GRSF1: variants seen among roughly 807,000 people sequenced by gnomAD.
The protein encoded by GRSF1 is G-rich RNA sequence binding factor 1.
Under a neutral mutation model 51.1 loss-of-function variants are expected in GRSF1, and 50 were observed. That is an observed-to-expected ratio of 0.98 (90% CI 0.78 to 1.24). The LOEUF (loss-of-function observed/expected upper bound fraction) is 1.24. GRSF1 is among the 50% of genes most tolerant of loss of function. GRSF1 has a pLI of 0.00. For missense variants in GRSF1, 700 were observed against 639.7 expected (o/e 1.09, Z -1.02); for synonymous variants, 293 against 253.3 (o/e 1.16, Z -1.49).
At chr4:70,842,367 G>A (rs1006608698), upstream of GRSF1, among the ~76,000 whole-genome samples, 1 of 152,166 alleles carries the variant, frequency 6.6e-6, no homozygotes, top group Non-Finnish European at 1.5e-5. Flanking sequence ...ACAAAGAACA[G>A]GCTAGTCTTC....
intron 5 of GRSF1, among the ~76,000 whole-genome samples, chr4:70,830,873 C>G (rs747046608): frequency 6.6e-6 from 1 of 151,470 alleles, no homozygotes; most frequent in African/African-American, 2.4e-5. Flanking sequence ...CTATTATGAA[C>G]TGTTATTAGA....
At position 70,833,275 on chromosome 4, in the gene GRSF1, T is replaced by C. The variant is rs1734061633; in HGVS notation, c.515-2A>G. 1 of 1,612,650 alleles carries C rather than the reference T, an allele frequency of 6.2e-7. No homozygotes were observed. Among genetic ancestry groups the C allele is most frequent in the Middle Eastern group, 1.7e-4 (1 of 6,056 alleles). On this transcript the variant is annotated splice_acceptor_variant, in intron 2 of 9. Coordinates refer to ENST00000254799, the MANE Select transcript of GRSF1 (RefSeq NM_002092.4). LOFTEE classifies it high-confidence loss of function. Reference sequence around the variant, plus strand: ...TCTCACCGTTGCGGATTCTGCAGTCTAAAAGTGTATGAGCAAAATCAATTG... The same window carrying C: ...TCTCACCGTTGCGGATTCTGCAGTCCAAAAGTGTATGAGCAAAATCAATTG...
upstream of GRSF1, chr4:70,839,918 T>A: frequency 1.7e-6 from 2 of 1,211,252 alleles, no homozygotes; most frequent in Non-Finnish European, 2.2e-6. Flanking sequence ...GGGGGTGGGG[T>A]GTGCCTGGCA....
chr4:70,836,134 A>C lies in GRSF1; in HGVS notation c.514+24T>G, dbSNP rs777641674. The stretch of plus-strand genomic sequence containing the variant: ...AACAATATAAGGAAAAAAAATAAAT[A>C]AATAAAACATACATAAAATATACCT... On this transcript the variant is annotated intron_variant, in intron 2 of 9. Coordinates refer to ENST00000254799, the MANE Select transcript of GRSF1 (RefSeq NM_002092.4). 4 of 1,339,416 alleles carry C rather than the reference A, an allele frequency of 3.0e-6. No homozygotes were observed. The East Asian group carries it at 1.1e-4, about 38-fold the overall frequency. 83.0% of individuals were successfully genotyped at this position (1,339,416 alleles called of 1,614,324 possible).
rs751134497 is a variant in GRSF1 at position 70,827,922 on chromosome 4, C to T, written c.1065G>A (p.Met355Ile). 11 of 1,613,144 alleles carry T rather than the reference C, an allele frequency of 6.8e-6. No individual in the cohort carries two copies. Among genetic ancestry groups the T allele is most frequent in the East Asian group, 2.2e-5 (1 of 44,872 alleles). ...CATTTACTTCATGTTCTTCAAAGAC[C>T]ATTTCTGGCTCAGTTATATACTTAG... is the stretch of plus-strand genomic sequence containing the variant. ...PTAKYITEPE[M>I]VFEEHEVNED... Residue 355 changes from methionine to isoleucine, a missense_variant, in exon 6 of 10, where the codon ATG (methionine) becomes ATA (isoleucine). Coordinates refer to ENST00000254799, the MANE Select transcript of GRSF1 (RefSeq NM_002092.4).
At position 70,836,182 on chromosome 4, in the gene GRSF1, CCATAGT is replaced by C. The variant is rs1185623823; in HGVS notation, c.484_489del (p.Thr162_Met163del). 6.4e-7 allele frequency: 1 copy of C among 1,566,164 alleles called. No individual in the cohort carries two copies. ...CCTGAAAAAAAGTTAAGCACATCTTCCATAGTGCATGACCAGGGCAGTCCTTGAGCT... is the reference window on the plus strand; with the variant it reads ...CCTGAAAAAAAGTTAAGCACATCTTCGCATGACCAGGGCAGTCCTTGAGCT... On this transcript the variant is annotated inframe_deletion, in exon 2 of 10. Transcript: ENST00000254799.
intron 1 of GRSF1, 115 bp downstream of exon 1, chr4:70,839,356 T>TCCCCGGGCGTGCCC (rs1734363217): frequency 6.6e-7 from 1 of 1,504,080 alleles, no homozygotes; most frequent in Non-Finnish European, 8.9e-7. Flanking sequence ...GCGGCGAGTG[T>TCCCCGGGCGTGCCC]CGCGGATCCC....
chr4:70,836,394 T>C, intron 1 of GRSF1, 80 bp from the exon 2 acceptor site: 1 of 1,025,160 alleles, frequency 9.8e-7, no homozygotes, highest in South Asian at 1.8e-5. Flanking sequence ...AAAATGTTTA[T>C]TCTACAAACT....
chr4:70,824,672 A>G (rs1439820564), intron 8 of GRSF1, among the ~76,000 whole-genome samples: 4 of 152,092 alleles, frequency 2.6e-5, no homozygotes, highest in Non-Finnish European at 5.9e-5. Context: ...AGTCCCAGCT[A>G]CTCGGGAGGC....
In GRSF1 at chr4:70,819,895, C is replaced by G. The variant is rs572719619; in HGVS notation, c.*992G>C. 6.6e-6 allele frequency: 1 copy of G among 152,610 alleles called. No homozygotes were observed. Among genetic ancestry groups the G allele is most frequent in the Non-Finnish European group, 1.5e-5 (1 of 68,044 alleles). 9.5% of individuals were successfully genotyped at this position (152,610 alleles called of 1,614,324 possible). A position where few individuals can be genotyped will look rare whatever the true frequency, so the allele number is the denominator to read the frequency against. On this transcript the variant is annotated 3_prime_UTR_variant, in exon 10 of 10. Coordinates refer to ENST00000254799, the MANE Select transcript of GRSF1 (RefSeq NM_002092.4). ...CTGCCACATTGTGACAGAAGTACAG[C>G]TTTATCCATAAACCCTTCACACAAT...
chr4:70,824,502 C>G, intron 8 of GRSF1, 134 bp from the exon 9 acceptor site: 1 of 587,636 alleles, frequency 1.7e-6, no homozygotes, highest in Non-Finnish European at 3.1e-6. Context: ...AAAATTTAGG[C>G]CAGACACGGT....
At position 70,818,018 on chromosome 4, in the gene GRSF1, C is replaced by T. The variant is rs561675388; in HGVS notation, c.*2869G>A. ...CTTCCGATAATTTAGGGGAAACTCTCAGAACAATGGAGTTTTTTGTATTTT... is the reference window on the plus strand; with the variant it reads ...CTTCCGATAATTTAGGGGAAACTCTTAGAACAATGGAGTTTTTTGTATTTT... On this transcript the variant is annotated 3_prime_UTR_variant, in exon 10 of 10. Coordinates refer to ENST00000254799, the MANE Select transcript of GRSF1 (RefSeq NM_002092.4). 2 of 152,224 alleles carry T rather than the reference C, an allele frequency of 1.3e-5. No homozygotes were observed. The highest frequency in any genetic ancestry group is 2.9e-5 in the Non-Finnish European group (2 of 68,114). 9.4% of individuals were successfully genotyped at this position (152,224 alleles called of 1,614,324 possible). A position where few individuals can be genotyped will look rare whatever the true frequency, so the allele number is the denominator to read the frequency against.
intron 6 of GRSF1, among the ~76,000 whole-genome samples, chr4:70,827,287 C>CA (rs11418022): frequency 0.87 from 127,480 of 146,750 alleles, 56,887 homozygotes; most frequent in South Asian, 0.99. Context: ...AACTCTGTCT[C>CA]AAAAAAAAAA....
intron 1 of GRSF1, 185 bp downstream of exon 1, chr4:70,839,286 T>A: frequency 6.7e-7 from 1 of 1,496,388 alleles, no homozygotes; most frequent in Non-Finnish European, 8.9e-7. Flanking sequence ...ACCCGACGCC[T>A]GGGAGAGCTT....
In GRSF1 at chr4:70,839,837, A is replaced by C. The variant is rs1734393424; in HGVS notation, c.-10T>G. 5 of 1,485,178 alleles carry C rather than the reference A, an allele frequency of 3.4e-6. No individual in the cohort carries two copies. Among genetic ancestry groups the C allele is most frequent in the South Asian group, 1.3e-5 (1 of 79,284 alleles). 92.0% of individuals were successfully genotyped at this position (1,485,178 alleles called of 1,614,324 possible). A position where few individuals can be genotyped will look rare whatever the true frequency, so the allele number is the denominator to read the frequency against. ...AGCGCGTGCCGGCCATGGACTCCGG[A>C]GGCGGCGCAGGGCCTGAAGGCAGCT... On this transcript the variant is annotated 5_prime_UTR_variant, in exon 1 of 10. Transcript: ENST00000254799.
intron 1 of GRSF1, chr4:70,838,943 G>A (rs1734339354): frequency 2.8e-6 from 1 of 355,732 alleles, no homozygotes; most frequent in Non-Finnish European, 5.4e-6. Context: ...GGACAGGAGA[G>A]GGAACGGCGC....
intron 1 of GRSF1, chr4:70,838,756 G>T (rs889044295): frequency 6.4e-6 from 1 of 156,058 alleles, no homozygotes; most frequent in Non-Finnish European, 1.4e-5. Context: ...TCATTCCTGG[G>T]ACCCCAAGTT....
In GRSF1 at chr4:70,839,707, A is replaced by G; in HGVS notation, c.121T>C (p.Ser41Pro). The G allele has an allele frequency of 6.8e-7, 1 of 1,474,334 alleles. No homozygotes were observed. The highest frequency in any genetic ancestry group is 8.9e-7 in the Non-Finnish European group (1 of 1,122,396). 91.3% of individuals were successfully genotyped at this position (1,474,334 alleles called of 1,614,324 possible). Residue 41 changes from serine to proline, a missense_variant, in exon 1 of 10, where the codon TCG becomes CCG. Coordinates refer to ENST00000254799, the MANE Select transcript of GRSF1 (RefSeq NM_002092.4). ...PFYSAAGSIPSGVSGRRRLLL... is the reference protein window; with the variant it reads ...PFYSAAGSIPPGVSGRRRLLL... ...AGGCGGCGGCGGCCCGAGACGCCCG[A>G]CGGGATAGAGCCAGCGGCGGAGTAG...
At chr4:70,823,974 CTCTT>C (rs902582821) in intron 9 of GRSF1, among the ~76,000 whole-genome samples, 6 of 100,932 alleles carry the variant, frequency 5.9e-5, no homozygotes, top group African/African-American at 1.1e-4. Flanking sequence ...TTGTATCTCT[CTCTT>C]TTTTTTTTTT....
Sources: gnomAD v4.1 joint callset for allele counts (sites outside exome capture counted in the v4.1 genomes callset) on GRCh38, gnomAD v4.1.1 for gene constraint, MANE v1.5 for transcripts, NCBI Gene and HGNC (gene_info 2026-07-23, HGNC 2026-07-21) for gene names.